The following ADCY2 variants were observed in gnomAD, a reference collection of about 807,000 sequenced individuals.
ADCY2 encodes adenylate cyclase type 2.
ADCY2 carries 31 observed loss-of-function variants against 125.2 expected under a neutral mutation model. The observed-to-expected ratio is 0.25, with a 90% confidence interval of 0.19 to 0.33. The LOEUF (loss-of-function observed/expected upper bound fraction) is 0.33, where lower values mean the gene tolerates loss of function less well. Among genes scored for constraint, ADCY2 ranks in the 10% least tolerant of loss-of-function variants. The pLI is 1.00. For missense variants in ADCY2, 904 were observed against 1,418.2 expected (o/e 0.64, Z 5.82); for synonymous variants, 512 against 548.4 (o/e 0.93, Z 0.93).
chr5:7,621,223 T>A (rs2126653153), intron 3 of ADCY2, among the ~76,000 whole-genome samples: 1 of 152,308 alleles, frequency 6.6e-6, no homozygotes, highest in Admixed American at 6.5e-5. Flanking sequence ...GAGAGCAGCC[T>A]GACCCTCCCC....
chr5:7,776,547 C>T (rs1295337209), intron 18 of ADCY2, among the ~76,000 whole-genome samples: 4 of 152,176 alleles, frequency 2.6e-5, no homozygotes, highest in Non-Finnish European at 5.9e-5. Flanking sequence ...TCTGACGACA[C>T]TGTGATGGTT....
At chr5:7,577,868 A>G (rs1161207745) in intron 3 of ADCY2, among the ~76,000 whole-genome samples, 2 of 152,186 alleles carry the variant, frequency 1.3e-5, no homozygotes, top group African/African-American at 2.4e-5. Context: ...TGACAAGAGT[A>G]AAAGGAAAGT....
At chr5:7,637,831 A>G (rs765044457) in intron 4 of ADCY2, among the ~76,000 whole-genome samples, 5 of 152,260 alleles carry the variant, frequency 3.3e-5, no homozygotes, top group Non-Finnish European at 5.9e-5. Flanking sequence ...TGTTATAACC[A>G]TATTCCAGGG....
At chr5:7,652,161 T>C (rs926965699) in intron 4 of ADCY2, among the ~76,000 whole-genome samples, 1 of 152,208 alleles carries the variant, frequency 6.6e-6, no homozygotes, top group Admixed American at 6.5e-5. Flanking sequence ...GCAGGAGATA[T>C]GTCAACATTT....
At chr5:7,494,021 C>T (rs763270490) in intron 2 of ADCY2, among the ~76,000 whole-genome samples, 35 of 152,244 alleles carry the variant, frequency 2.3e-4, no homozygotes, top group Non-Finnish European at 4.7e-4. Flanking sequence ...GTCCCCAGGT[C>T]CCTCCTGCTC....
At chr5:7,454,179 C>G (rs1741580364) in intron 2 of ADCY2, among the ~76,000 whole-genome samples, 1 of 152,156 alleles carries the variant, frequency 6.6e-6, no homozygotes, top group Non-Finnish European at 1.5e-5. Context: ...CAGCGGCTGT[C>G]AACACTGAGG....
At chr5:7,772,126 G>A (rs760568113) in intron 17 of ADCY2, among the ~76,000 whole-genome samples, 10 of 152,136 alleles carry the variant, frequency 6.6e-5, no homozygotes, top group Admixed American at 1.3e-4. Context: ...AGTGTCATGC[G>A]GACACTGTGA....
At chr5:7,670,485 A>C (rs1021152388) in intron 4 of ADCY2, among the ~76,000 whole-genome samples, 1 of 152,246 alleles carries the variant, frequency 6.6e-6, no homozygotes, top group East Asian at 1.9e-4. Flanking sequence ...ATATACTACT[A>C]TGCTATTATT....
intron 2 of ADCY2, among the ~76,000 whole-genome samples, chr5:7,430,203 A>G (rs1011710712): frequency 2.0e-5 from 3 of 152,158 alleles, no homozygotes; most frequent in Admixed American, 1.3e-4. Flanking sequence ...AATAATTTGA[A>G]TAGGTAGCTA....
At chr5:7,665,964 G>A (rs1196552793) in intron 4 of ADCY2, among the ~76,000 whole-genome samples, 11 of 143,178 alleles carry the variant, frequency 7.7e-5, no homozygotes, top group African/African-American at 2.9e-4. Flanking sequence ...TCAGCTTCCT[G>A]AGTAGCTGGG....
chr5:7,503,946 C>T (rs1009020995), intron 2 of ADCY2, among the ~76,000 whole-genome samples: 4 of 152,146 alleles, frequency 2.6e-5, no homozygotes, highest in South Asian at 2.1e-4. Flanking sequence ...CAGACACACC[C>T]GCTCACTGTC....
At chr5:7,561,003 CT>C (rs1242546005) in intron 3 of ADCY2, among the ~76,000 whole-genome samples, 3 of 152,124 alleles carry the variant, frequency 2.0e-5, no homozygotes, top group Non-Finnish European at 4.4e-5. Context: ...ATTCTTTCTT[CT>C]TAAAAATATG....
intron 1 of ADCY2, among the ~76,000 whole-genome samples, chr5:7,398,021 TAA>T (rs1739127190): frequency 6.6e-6 from 1 of 152,226 alleles, no homozygotes; most frequent in African/African-American, 2.4e-5. Context: ...GCAGGATCTC[TAA>T]AGTCATCTAC....
chr5:7,702,761 T>A (rs1209870123), intron 7 of ADCY2, among the ~76,000 whole-genome samples: 3 of 152,210 alleles, frequency 2.0e-5, no homozygotes, highest in African/African-American at 7.2e-5. Flanking sequence ...GATGGCTGGG[T>A]GAAATGGTAT....
At chr5:7,659,056 T>C (rs1739440047) in intron 4 of ADCY2, among the ~76,000 whole-genome samples, 1 of 152,240 alleles carries the variant, frequency 6.6e-6, no homozygotes, top group African/African-American at 2.4e-5. Context: ...CTGAATTTTC[T>C]TGGTGATTTG....
At chr5:7,719,829 G>A (rs897073486) in intron 12 of ADCY2, among the ~76,000 whole-genome samples, 1 of 152,122 alleles carries the variant, frequency 6.6e-6, no homozygotes, top group African/African-American at 2.4e-5. Flanking sequence ...ATGAACTTTG[G>A]TGGGGGACAC....
At chr5:7,576,359 C>T (rs1006616195) in intron 3 of ADCY2, among the ~76,000 whole-genome samples, 1 of 152,190 alleles carries the variant, frequency 6.6e-6, no homozygotes, top group African/African-American at 2.4e-5. Flanking sequence ...CGGGCAGAGG[C>T]CCGTTAATTA....
intron 4 of ADCY2, among the ~76,000 whole-genome samples, chr5:7,633,125 TA>T (rs769107311): frequency 0.046 from 6,592 of 144,432 alleles, 398 homozygotes; most frequent in African/African-American, 0.15. Flanking sequence ...TGTTCATTCT[TA>T]AAAAAAAAAA....
At chr5:7,637,427 G>A (rs1168949432) in intron 4 of ADCY2, among the ~76,000 whole-genome samples, 4 of 114,562 alleles carry the variant, frequency 3.5e-5, no homozygotes, top group African/African-American at 1.5e-4. Context: ...GTGAGACTCC[G>A]TCTCAAAAAA....
Sources: allele counts gnomAD v4.1 joint callset (sites outside exome capture counted in the v4.1 genomes callset), GRCh38; gene constraint gnomAD v4.1.1; transcripts MANE v1.5; gene names NCBI Gene and HGNC (gene_info 2026-07-23, HGNC 2026-07-21).